Variants in SORCS2 observed in about 807,000 individuals in gnomAD.
The protein encoded by SORCS2 is VPS10 domain-containing receptor SorCS2.
A neutral mutation model predicts 141.6 loss-of-function variants in SORCS2; 100 were observed. That is an observed-to-expected ratio of 0.71 (90% CI 0.60 to 0.83). The LOEUF is 0.83. Ranked by LOEUF, SORCS2 falls within the 40% of genes least tolerant of loss-of-function variation. SORCS2 has a pLI of 0.00. For synonymous variants in SORCS2, 789 were observed against 676.9 expected (o/e 1.17, Z -2.57); for missense variants, 1,646 against 1,560.2 (o/e 1.05, Z -0.93).
At chr4:7,703,199 C>G in intron 12 of SORCS2, 81 bp from the exon 13 acceptor site, 4 of 1,151,848 alleles carry the variant, frequency 3.5e-6, no homozygotes. Flanking sequence ...ATTGACAACC[C>G]TCCTCCCAGG....
At chr4:7,398,427 C>G (rs140738055) in intron 2 of SORCS2, among the ~76,000 whole-genome samples, 1 of 152,192 alleles carries the variant, frequency 6.6e-6, no homozygotes, top group Non-Finnish European at 1.5e-5. Flanking sequence ...TAGAACAGTA[C>G]GTGATCTAAA....
In SORCS2 at chr4:7,531,999, C is replaced by T. The variant is rs191390238; in HGVS notation, c.648+370C>T. Reference sequence around the variant, plus strand: ...CTCGGAAGGCAGTGCTGAGCAGGCCCGTTCTTCGGAAGTTAGTTGTTGATC... The same window carrying T: ...CTCGGAAGGCAGTGCTGAGCAGGCCTGTTCTTCGGAAGTTAGTTGTTGATC... On this transcript the variant is annotated intron_variant, in intron 3 of 26. Coordinates refer to ENST00000507866, the MANE Select transcript of SORCS2 (RefSeq NM_020777.3). 2.8e-4 allele frequency among the ~76,000 whole-genome samples: 42 copies of T among 152,330 alleles called. No homozygotes were observed. In the East Asian group the frequency reaches 6.8e-3, roughly 25 times the overall value.
intron 3 of SORCS2, among the ~76,000 whole-genome samples, chr4:7,551,650 G>C (rs1322799255): frequency 6.6e-6 from 1 of 152,152 alleles, no homozygotes; most frequent in East Asian, 1.9e-4. Flanking sequence ...ACATGAGCTG[G>C]GTCTTCTCTG....
At chr4:7,707,191 C>T (rs1455228395) in intron 14 of SORCS2, among the ~76,000 whole-genome samples, 1 of 152,176 alleles carries the variant, frequency 6.6e-6, no homozygotes, top group Admixed American at 6.5e-5. Flanking sequence ...GTTTATTGAG[C>T]ACCTATTATG....
intron 2 of SORCS2, among the ~76,000 whole-genome samples, chr4:7,408,492 G>A (rs1409390174): frequency 2.0e-5 from 3 of 152,012 alleles, no homozygotes; most frequent in African/African-American, 7.2e-5. Context: ...TCCTGTATGG[G>A]TTATTTGCTT....
At chr4:7,661,920 C>T (rs1356273462) in intron 6 of SORCS2, among the ~76,000 whole-genome samples, 4 of 152,126 alleles carry the variant, frequency 2.6e-5, no homozygotes, top group African/African-American at 9.7e-5. Context: ...ACTTCCTGCC[C>T]AGGGCCGTAC....
At chr4:7,690,111 T>C (rs1724130024) in intron 11 of SORCS2, among the ~76,000 whole-genome samples, 1 of 147,372 alleles carries the variant, frequency 6.8e-6, no homozygotes. Flanking sequence ...TGATACATGA[T>C]GGATGGATGA....
At chr4:7,296,035 G>T (rs1456471852) in intron 1 of SORCS2, among the ~76,000 whole-genome samples, 1 of 152,206 alleles carries the variant, frequency 6.6e-6, no homozygotes, top group Non-Finnish European at 1.5e-5. Flanking sequence ...GTGGCTGGGG[G>T]TCCGTGCTGG....
At chr4:7,552,202 A>G (rs1338975912) in intron 3 of SORCS2, among the ~76,000 whole-genome samples, 1 of 152,178 alleles carries the variant, frequency 6.6e-6, no homozygotes, top group Non-Finnish European at 1.5e-5. Context: ...CCCAAGATCC[A>G]GGGCCCATGC....
intron 2 of SORCS2, among the ~76,000 whole-genome samples, chr4:7,403,984 TATATATATATA>T (rs1263145703): frequency 7.6e-4 from 13 of 17,180 alleles, no homozygotes; most frequent in East Asian, 2.0e-3. Flanking sequence ...TATATATATA[TATATATATATA>T]TATTTTTTTT....
chr4:7,707,154 C>T (rs555945539), intron 14 of SORCS2, among the ~76,000 whole-genome samples: 34 of 152,328 alleles, frequency 2.2e-4, no homozygotes, highest in African/African-American at 6.7e-4. Context: ...TGAGGATGCT[C>T]TTCTGCTCTG....
At chr4:7,545,258 A>G (rs1577727194) in intron 3 of SORCS2, among the ~76,000 whole-genome samples, 1 of 152,324 alleles carries the variant, frequency 6.6e-6, no homozygotes, top group Admixed American at 6.5e-5. Context: ...TCTGAAGAGC[A>G]TGCAGAACTG....
intron 2 of SORCS2, among the ~76,000 whole-genome samples, chr4:7,512,714 G>A (rs992643975): frequency 2.6e-5 from 4 of 151,068 alleles, no homozygotes; most frequent in Middle Eastern, 3.2e-3. Context: ...TCCTGTCCTC[G>A]TGGGAGGAGT....
intron 2 of SORCS2, among the ~76,000 whole-genome samples, chr4:7,444,534 G>A (rs946755563): frequency 4.6e-5 from 7 of 152,216 alleles, no homozygotes; most frequent in Non-Finnish European, 8.8e-5. Flanking sequence ...GAAGAACAGG[G>A]GCCAGGAGAC....
At chr4:7,534,684 G>T (rs1398288030) in intron 3 of SORCS2, among the ~76,000 whole-genome samples, 1 of 152,154 alleles carries the variant, frequency 6.6e-6, no homozygotes, top group African/African-American at 2.4e-5. Context: ...GCAGGGCCTG[G>T]TTGGGGCCAC....
In SORCS2 at chr4:7,258,143, A is replaced by T. The variant is rs192677991; in HGVS notation, c.480+65017A>T. The stretch of plus-strand genomic sequence containing the variant: ...CCTCTGTGATTATCCCTTTCTTTTT[A>T]AAAAAATTTTTTTTTAAAATTATAC... On this transcript the variant is annotated intron_variant, in intron 1 of 26. Coordinates refer to ENST00000507866, the MANE Select transcript of SORCS2 (RefSeq NM_020777.3). Among the ~76,000 whole-genome samples, 282 of 151,068 alleles carry T rather than the reference A, an allele frequency of 1.9e-3. 2 individuals are homozygous for T. The highest frequency in any genetic ancestry group is 6.2e-3 in the South Asian group (30 of 4,806).
intron 1 of SORCS2, among the ~76,000 whole-genome samples, chr4:7,238,375 CTGT>C (rs1712441675): frequency 6.6e-6 from 1 of 152,092 alleles, no homozygotes; most frequent in Non-Finnish European, 1.5e-5. Context: ...CAGACTGAGG[CTGT>C]TGTTAAATTT....
chr4:7,315,547 C>G (rs555763853), intron 1 of SORCS2, among the ~76,000 whole-genome samples: 1 of 152,202 alleles, frequency 6.6e-6, no homozygotes, highest in Admixed American at 6.5e-5. Context: ...TGGGGAGACA[C>G]AGACCAGGAA....
intron 14 of SORCS2, among the ~76,000 whole-genome samples, chr4:7,705,309 C>G (rs772005871): frequency 6.6e-6 from 1 of 152,198 alleles, no homozygotes; most frequent in Non-Finnish European, 1.5e-5. Flanking sequence ...CTGCCGACCC[C>G]TGGATTTCAG....
Sources: gnomAD v4.1 joint callset for allele counts (sites outside exome capture counted in the v4.1 genomes callset) on GRCh38, gnomAD v4.1.1 for gene constraint, MANE v1.5 for transcripts, NCBI Gene and HGNC (gene_info 2026-07-23, HGNC 2026-07-21) for gene names.